CD99: variants seen among roughly 807,000 people sequenced by gnomAD.
CD99 encodes the protein CD99 antigen.
Under a neutral mutation model 28.4 loss-of-function variants are expected in CD99, and 19 were observed. The ratio of observed to expected loss-of-function variants is 0.67; its 90% confidence interval spans 0.47 to 0.98. The LOEUF is 0.98. Ranked by LOEUF, CD99 falls within the 50% of genes least tolerant of loss-of-function variation. The pLI is 0.00. For synonymous variants in CD99, 103 were observed against 92.1 expected (o/e 1.12, Z -0.67); for missense variants, 283 against 248.8 (o/e 1.14, Z -0.92).
chrX:2,710,165 G>A (rs866931603), intron 1 of CD99, among the ~76,000 whole-genome samples: 29 of 60,430 alleles, frequency 4.8e-4, no homozygotes, highest in South Asian at 7.2e-4. Flanking sequence ...GTGGAACCTG[G>A]GAGGAGAGTT....
At chrX:2,694,734 CAG>C (rs967465750) in intron 1 of CD99, among the ~76,000 whole-genome samples, 1 of 151,612 alleles carries the variant, frequency 6.6e-6, no homozygotes, top group African/African-American at 2.4e-5. Flanking sequence ...GCCTGGGTAA[CAG>C]AGAGAGACTC....
chrX:2,710,638 T>C (rs1469232087), intron 1 of CD99, among the ~76,000 whole-genome samples: 1 of 151,900 alleles, frequency 6.6e-6, no homozygotes, highest in Non-Finnish European at 1.5e-5. Flanking sequence ...CATTATGGAC[T>C]CTTGGAATCT....
intron 1 of CD99, 46 bp from the exon 2 acceptor site, chrX:2,714,376 T>G: frequency 6.9e-7 from 1 of 1,444,372 alleles, no homozygotes; most frequent in Non-Finnish European, 9.6e-7. Context: ...TTCAAATTTA[T>G]TTTTATTTTT....
chrX:2,711,168 G>T lies in CD99; in HGVS notation c.68-3254G>T, dbSNP rs983270419. On this transcript the variant is annotated intron_variant, in intron 1 of 9. Transcript: ENST00000381192. ...TTACAGGTGTGAGCCACCGCACCCG[G>T]CCCCAGAGATGACTTCTAAACCTTC... is the stretch of plus-strand genomic sequence containing the variant. Among the ~76,000 whole-genome samples the T allele has an allele frequency of 1.5e-4, 23 of 149,304 alleles. No individual in the cohort carries two copies. The South Asian group carries it at 1.7e-3, about 11-fold the overall frequency.
rs1315184465 is a variant in CD99 at position 2,738,223 on chromosome X, G to A, written c.499G>A (p.Glu167Lys). 7 of 1,613,852 alleles carry A rather than the reference G, an allele frequency of 4.3e-6. No homozygotes were observed. The Admixed American group carries it at 1.0e-4, about 23-fold the overall frequency. Residue 167 changes from glutamate to lysine, a missense_variant, in exon 9 of 10, where the codon GAG (glutamate) becomes AAG (lysine). Coordinates refer to ENST00000381192, the MANE Select transcript of CD99 (RefSeq NM_002414.5). ...ENAEQGEVDM[E>K]SHRNANAEPA... ...AGCAGAACAAGGGGAGGTGGACATG[G>A]AGAGCCACCGGAATGCCAACGCAGA...
At chrX:2,691,788 G>A (rs750050616) in intron 1 of CD99, 2 of 772,258 alleles carry the variant, frequency 2.6e-6, no homozygotes, top group South Asian at 2.7e-5. Flanking sequence ...CTACCCCCAG[G>A]GTTTGGGGAC....
chrX:2,721,504 C>T (rs996109424), intron 5 of CD99, among the ~76,000 whole-genome samples: 1 of 152,082 alleles, frequency 6.6e-6, no homozygotes, highest in Non-Finnish European at 1.5e-5. Flanking sequence ...GTATGTTGCC[C>T]AGGCTGGTCT....
At chrX:2,726,786 G>T (rs2049308595) in intron 8 of CD99, among the ~76,000 whole-genome samples, 1 of 151,804 alleles carries the variant, frequency 6.6e-6, no homozygotes. Flanking sequence ...TCATCAGGAG[G>T]AGAGCCGTGA....
intron 2 of CD99, among the ~76,000 whole-genome samples, chrX:2,715,777 T>G (rs188770354): frequency 1.1e-4 from 16 of 152,276 alleles, no homozygotes; most frequent in African/African-American, 3.9e-4. Context: ...TCCCTGTGCT[T>G]GTGGCTGCAT....
chrX:2,739,920 T>TTA (rs1247936621), intron 9 of CD99, among the ~76,000 whole-genome samples: 172 of 110,112 alleles, frequency 1.6e-3, no homozygotes, highest in African/African-American at 5.0e-3. Context: ...TACTAAAAAT[T>TTA]AAAAAAAAAA....
intron 1 of CD99, among the ~76,000 whole-genome samples, chrX:2,711,440 T>G (rs934906063): frequency 4.1e-5 from 5 of 123,004 alleles, no homozygotes; most frequent in African/African-American, 1.6e-4. Context: ...TGTGTATGTG[T>G]GTATATATAT....
chrX:2,734,118 G>T (rs2049814652), intron 8 of CD99, among the ~76,000 whole-genome samples: 2 of 151,862 alleles, frequency 1.3e-5, no homozygotes, highest in African/African-American at 2.4e-5. Context: ...ATTGTACCTG[G>T]ATTTTCCTTC....
chrX:2,727,718 C>A, intron 8 of CD99, among the ~76,000 whole-genome samples: 1 of 152,156 alleles, frequency 6.6e-6, no homozygotes, highest in Non-Finnish European at 1.5e-5. Context: ...CTCAAGTGAT[C>A]CACCCGCCTC....
intron 1 of CD99, among the ~76,000 whole-genome samples, chrX:2,706,965 C>G (rs1343697483): frequency 1.3e-5 from 2 of 151,972 alleles, no homozygotes; most frequent in African/African-American, 4.8e-5. Flanking sequence ...GGACTACGGG[C>G]GTGCACCACC....
chrX:2,696,343 G>A (rs186727039), intron 1 of CD99, among the ~76,000 whole-genome samples: 1 of 152,032 alleles, frequency 6.6e-6, no homozygotes, highest in Non-Finnish European at 1.5e-5. Context: ...ATCGTTGCTG[G>A]TGTAGCTGCA....
In CD99 at chrX:2,735,882, G is replaced by A. The variant is rs1482931367; in HGVS notation, c.476-2318G>A. Among the ~76,000 whole-genome samples, 4 of 152,212 alleles carry A rather than the reference G, an allele frequency of 2.6e-5. No individual in the cohort carries two copies. In the East Asian group the frequency reaches 5.8e-4, roughly 22 times the overall value. ...TGGAGTTCACGTAGCGTAAACTGGC[G>A]AGGCTGTCTCTGCTGCTGTCATTAA... is the stretch of plus-strand genomic sequence containing the variant. On this transcript the variant is annotated intron_variant, in intron 8 of 9. Coordinates refer to ENST00000381192, the MANE Select transcript of CD99 (RefSeq NM_002414.5).
At chrX:2,719,764 A>G (rs372049067) in intron 4 of CD99, 59 bp downstream of exon 4, 1 of 1,513,574 alleles carries the variant, frequency 6.6e-7, no homozygotes, top group Non-Finnish European at 9.2e-7. Context: ...CCCAATTATG[A>G]TCATTTCAGA....
intron 8 of CD99, among the ~76,000 whole-genome samples, chrX:2,732,764 CT>C (rs980959964): frequency 7.1e-6 from 1 of 141,818 alleles, no homozygotes; most frequent in African/African-American, 2.5e-5. Context: ...TCCTTCTTTC[CT>C]TTTCCCCTCT....
At chrX:2,717,711 C>A in intron 3 of CD99, 59 bp downstream of exon 3, 1 of 1,485,040 alleles carries the variant, frequency 6.7e-7, no homozygotes, top group Non-Finnish European at 9.4e-7. Flanking sequence ...TCTCGGACAG[C>A]AGGACGGGAC....
Sources: allele counts gnomAD v4.1 joint callset (sites outside exome capture counted in the v4.1 genomes callset), GRCh38; gene constraint gnomAD v4.1.1; transcripts MANE v1.5; gene names NCBI Gene and HGNC (gene_info 2026-07-23, HGNC 2026-07-21).